The following TDRD7 variants were observed in gnomAD, a reference collection of about 807,000 sequenced individuals.
The protein encoded by TDRD7 is tudor domain-containing protein 7.
A neutral mutation model predicts 109.8 loss-of-function variants in TDRD7; 47 were observed. The ratio of observed to expected loss-of-function variants is 0.43; its 90% CI spans 0.34 to 0.55. The LOEUF (loss-of-function observed/expected upper bound fraction) is 0.55, where lower values mean the gene tolerates loss of function less well. Among genes scored for constraint, TDRD7 ranks in the 20% least tolerant of loss-of-function variants. The pLI is 0.03. For synonymous variants in TDRD7, 424 were observed against 457.3 expected (o/e 0.93, Z 0.93); for missense variants, 1,164 against 1,319.2 (o/e 0.88, Z 1.82).
chr9:97,460,403 C>T lies in TDRD7; in HGVS notation c.1081C>T (p.Leu361Phe), dbSNP rs746575726. The T allele has an allele frequency of 3.2e-5, 52 of 1,614,090 alleles. 1 individual carries two copies. The South Asian group carries it at 4.5e-4, about 14-fold the overall frequency. ...CACAAGTGGCCTTTGGGCCAGTGCACTTCCGAAAGCATTTGAGGAAATGTA... is the reference window on the plus strand; with the variant it reads ...CACAAGTGGCCTTTGGGCCAGTGCATTTCCGAAAGCATTTGAGGAAATGTA... ...KYTSGLWASA[L>F]PKAFEEMYKV... is the part of the protein sequence containing the mutation. Residue 361 changes from leucine (L) to phenylalanine (F), a missense_variant, in exon 7 of 17, where the codon CTT becomes TTT. Coordinates refer to ENST00000355295, the MANE Select transcript of TDRD7 (RefSeq NM_014290.3).
intron 4 of TDRD7, among the ~76,000 whole-genome samples, chr9:97,436,065 T>A (rs1226582552): frequency 1.3e-5 from 2 of 152,182 alleles, no homozygotes; most frequent in Non-Finnish European, 2.9e-5. Flanking sequence ...AACTCATGCC[T>A]GCCTGTTAAC....
chr9:97,468,681 G>T (rs1349524835), intron 8 of TDRD7, among the ~76,000 whole-genome samples: 2 of 152,244 alleles, frequency 1.3e-5, no homozygotes, highest in African/African-American at 4.8e-5. Context: ...AACAGGAGAT[G>T]TGGTCACCCG....
intron 1 of TDRD7, among the ~76,000 whole-genome samples, chr9:97,417,959 T>C (rs1264411714): frequency 6.6e-6 from 1 of 152,108 alleles, no homozygotes; most frequent in East Asian, 1.9e-4. Context: ...ACCCCGTCCC[T>C]ACTAAAAATA....
chr9:97,419,978 G>C (rs1015660217), intron 1 of TDRD7, among the ~76,000 whole-genome samples: 12 of 152,036 alleles, frequency 7.9e-5, no homozygotes, highest in African/African-American at 2.9e-4. Flanking sequence ...TAGCCTCCCA[G>C]CATTATTATA....
chr9:97,460,781 A>G lies in TDRD7; in HGVS notation c.1442+17A>G, dbSNP rs753486062. On this transcript the variant is annotated intron_variant, in intron 7 of 16. Coordinates refer to ENST00000355295, the MANE Select transcript of TDRD7 (RefSeq NM_014290.3). The stretch of plus-strand genomic sequence containing the variant: ...GGTTATCAGGCAAGTTTCATTTTCT[A>G]ATTCTTTAGGATTCTGATATACTTT... The G allele has an allele frequency of 2.1e-5, 33 of 1,602,690 alleles. No homozygotes were observed. Among genetic ancestry groups the G allele is most frequent in the African/African-American group, 4.0e-5 (3 of 74,618 alleles).
intron 16 of TDRD7, among the ~76,000 whole-genome samples, chr9:97,489,263 T>C (rs1235646805): frequency 2.0e-5 from 3 of 152,170 alleles, no homozygotes; most frequent in East Asian, 3.9e-4. Flanking sequence ...CCTATCAGAG[T>C]GGATTTTTTT....
At chr9:97,436,316 T>C (rs1828196545) in intron 4 of TDRD7, among the ~76,000 whole-genome samples, 1 of 152,204 alleles carries the variant, frequency 6.6e-6, no homozygotes. Flanking sequence ...AATCTATTTA[T>C]GTTTTAATTT....
At chr9:97,414,558 A>G (rs1327687647) in intron 1 of TDRD7, among the ~76,000 whole-genome samples, 1 of 152,210 alleles carries the variant, frequency 6.6e-6, no homozygotes, top group Non-Finnish European at 1.5e-5. Context: ...TTAAGACACA[A>G]ACTCCTTACT....
At chr9:97,463,169 C>T (rs1026113413) in intron 7 of TDRD7, among the ~76,000 whole-genome samples, 2 of 152,230 alleles carry the variant, frequency 1.3e-5, no homozygotes, top group Non-Finnish European at 2.9e-5. Flanking sequence ...CTCCCAACTA[C>T]TCAGCAGGCT....
At chr9:97,414,352 G>T (rs926958200) in intron 1 of TDRD7, among the ~76,000 whole-genome samples, 10 of 152,244 alleles carry the variant, frequency 6.6e-5, no homozygotes, top group African/African-American at 2.4e-4. Flanking sequence ...TTCAAAGTAA[G>T]CTTGGCATTT....
At chr9:97,427,106 GAA>G (rs1245926972) in intron 1 of TDRD7, among the ~76,000 whole-genome samples, 1 of 152,172 alleles carries the variant, frequency 6.6e-6, no homozygotes, top group Admixed American at 6.5e-5. Flanking sequence ...ACTGTTGAAG[GAA>G]AAGTAACAAA....
At chr9:97,423,019 A>G (rs1215567995) in intron 1 of TDRD7, among the ~76,000 whole-genome samples, 1 of 152,206 alleles carries the variant, frequency 6.6e-6, no homozygotes, top group African/African-American at 2.4e-5. Flanking sequence ...TAGTTTTTGT[A>G]TCAGCATAAT....
chr9:97,492,817 A>G (rs1829330182), intron 16 of TDRD7, among the ~76,000 whole-genome samples: 1 of 152,204 alleles, frequency 6.6e-6, no homozygotes, highest in Non-Finnish European at 1.5e-5. Context: ...CCTCCATTTT[A>G]TAATTAATTG....
intron 4 of TDRD7, among the ~76,000 whole-genome samples, chr9:97,437,050 A>G (rs775858409): frequency 2.4e-4 from 37 of 152,132 alleles, no homozygotes; most frequent in Non-Finnish European, 3.7e-4. Context: ...TACTGCCCTT[A>G]TCATAACACT....
chr9:97,414,936 G>T (rs571602409), intron 1 of TDRD7, among the ~76,000 whole-genome samples: 143 of 152,262 alleles, frequency 9.4e-4, no homozygotes, highest in African/African-American at 3.3e-3. Context: ...AAGGAGCTTG[G>T]GTTAGCCTAG....
chr9:97,472,166 T>C, intron 9 of TDRD7, 127 bp from the exon 10 acceptor site: 1 of 826,572 alleles, frequency 1.2e-6, no homozygotes, highest in Non-Finnish European at 2.0e-6. Context: ...AAAGCTTTCA[T>C]ATAAAATTTA....
At chr9:97,444,135 T>A (rs1828358621) in intron 6 of TDRD7, among the ~76,000 whole-genome samples, 1 of 152,206 alleles carries the variant, frequency 6.6e-6, no homozygotes, top group South Asian at 2.1e-4. Context: ...CTAAAACAAC[T>A]GACTGTTTTT....
intron 1 of TDRD7, among the ~76,000 whole-genome samples, chr9:97,413,101 A>G (rs1374476689): frequency 1.3e-5 from 2 of 152,174 alleles, no homozygotes; most frequent in African/African-American, 4.8e-5. Flanking sequence ...CCAAAAAACC[A>G]CAGATCTAGT....
intron 5 of TDRD7, among the ~76,000 whole-genome samples, chr9:97,441,325 C>T (rs1449851174): frequency 6.6e-6 from 1 of 152,168 alleles, no homozygotes; most frequent in African/African-American, 2.4e-5. Context: ...TCTTCCTCAG[C>T]AGGTAGAAAA....
Sources: allele counts gnomAD v4.1 joint callset (sites outside exome capture counted in the v4.1 genomes callset), GRCh38; gene constraint gnomAD v4.1.1; transcripts MANE v1.5; gene names NCBI Gene and HGNC (gene_info 2026-07-23, HGNC 2026-07-21).